The following NEO1 variants were observed in gnomAD, a reference collection of about 807,000 sequenced individuals.
The protein encoded by NEO1 is neogenin.
In NEO1, 63 loss-of-function variants were observed where a neutral mutation model predicts 159.7. The ratio of observed to expected loss-of-function variants is 0.39; its 90% CI spans 0.32 to 0.49. The LOEUF (loss-of-function observed/expected upper bound fraction) is 0.49, where lower values mean the gene tolerates loss of function less well. Among genes scored for constraint, NEO1 ranks in the 20% least tolerant of loss-of-function variants. The pLI is 0.85. For missense variants in NEO1, 1,615 were observed against 1,831.0 expected (o/e 0.88, Z 2.15); for synonymous variants, 633 against 662.0 (o/e 0.96, Z 0.67).
chr15:73,111,035 A>G (rs567186888), intron 1 of NEO1, among the ~76,000 whole-genome samples: 1 of 152,304 alleles, frequency 6.6e-6, no homozygotes, highest in Admixed American at 6.5e-5. Flanking sequence ...ATATATATAC[A>G]TATATAAAAG....
At chr15:73,253,268 G>A in intron 11 of NEO1, 132 bp from the exon 12 acceptor site, 1 of 468,694 alleles carries the variant, frequency 2.1e-6, no homozygotes, top group South Asian at 5.4e-5. Flanking sequence ...GGCATTGGCA[G>A]CTAGTTTAGA....
Position 73,301,309 on chromosome 15 carries a change from C to G in NEO1, c.4166-12C>G, listed in dbSNP as rs372564244. On this transcript the variant is annotated splice_polypyrimidine_tract_variant and intron_variant, in intron 27 of 28. Coordinates refer to ENST00000261908, the MANE Select transcript of NEO1 (RefSeq NM_002499.4). ...GCTTGGCCACATATCTGATGGTGCC[C>G]TTTCCCCTCAGCTCTGAACCATCAC... 4.3e-6 allele frequency: 7 copies of G among 1,613,992 alleles called. No individual in the cohort carries two copies. Among genetic ancestry groups the G allele is most frequent in the Middle Eastern group, 1.6e-4 (1 of 6,084 alleles).
At chr15:73,128,715 G>T (rs1161826190) in intron 4 of NEO1, among the ~76,000 whole-genome samples, 1 of 152,160 alleles carries the variant, frequency 6.6e-6, no homozygotes, top group Admixed American at 6.5e-5. Context: ...AGGTAAGATT[G>T]CTATTTTATA....
chr15:73,260,495 G>A, intron 15 of NEO1, 30 bp downstream of exon 15: 1 of 1,478,090 alleles, frequency 6.8e-7, no homozygotes, highest in Non-Finnish European at 9.1e-7. Context: ...AAAGTTAATT[G>A]TGTGGGAGAT....
At chr15:73,267,441 A>AG (rs1239005098) in intron 16 of NEO1, among the ~76,000 whole-genome samples, 3 of 151,724 alleles carry the variant, frequency 2.0e-5, no homozygotes, top group Admixed American at 6.6e-5. Flanking sequence ...CACAACATGC[A>AG]GGTTTGTTAC....
At chr15:73,214,591 G>A (rs1347427100) in intron 7 of NEO1, among the ~76,000 whole-genome samples, 1 of 152,112 alleles carries the variant, frequency 6.6e-6, no homozygotes, top group African/African-American at 2.4e-5. Flanking sequence ...TTAAGTATTT[G>A]GGTTTGTTTC....
Position 73,065,842 on chromosome 15 carries a change from C to A in NEO1, c.130+13037C>A, listed in dbSNP as rs1230851340. Among the ~76,000 whole-genome samples, 3 of 152,028 alleles carry A rather than the reference C, an allele frequency of 2.0e-5. No homozygotes were observed. The East Asian group carries it at 5.8e-4, about 29-fold the overall frequency. ...TAGTTCACTTAGGCTCCCTTACATC[C>A]TTATCTCTCTGATGGGTTCAGAAAA... On this transcript the variant is annotated intron_variant, in intron 1 of 28. Transcript: ENST00000261908.
chr15:73,270,675 G>A (rs1305166619), intron 18 of NEO1, among the ~76,000 whole-genome samples: 1 of 152,194 alleles, frequency 6.6e-6, no homozygotes, highest in African/African-American at 2.4e-5. Context: ...AAAGCACTGG[G>A]TAGATGTAAG....
At position 73,298,550 on chromosome 15, in the gene NEO1, G is replaced by A. The variant is rs200012151; in HGVS notation, c.4104G>A (p.Pro1368=). The A allele has an allele frequency of 3.6e-5, 58 of 1,614,028 alleles. No individual in the cohort carries two copies. Among genetic ancestry groups the A allele is most frequent in the Non-Finnish European group, 4.8e-5 (57 of 1,179,990 alleles). The stretch of plus-strand genomic sequence containing the variant: ...AGAGCTTCGCCGTGCCAGCAATCCC[G>A]CCTCCAGGACCTCCCACCTATGATC... The part of the protein sequence containing the change: ...PLKSFAVPAI[P]PPGPPTYDPA... The change falls in exon 27 of 29, where the codon CCG becomes CCA. Residue 1368 remains proline, a synonymous_variant. Coordinates refer to ENST00000261908, the MANE Select transcript of NEO1 (RefSeq NM_002499.4).
At position 73,240,250 on chromosome 15, in the gene NEO1, A is replaced by T. The variant is rs147567291; in HGVS notation, c.1451+3744A>T. 7.9e-5 allele frequency among the ~76,000 whole-genome samples: 12 copies of T among 152,320 alleles called. No individual in the cohort carries two copies. The East Asian group carries it at 1.5e-3, about 20-fold the overall frequency. ...CTTTTATATTTAAATGTTTTCAATG[A>T]GACACACTTATTTAAATTTTATGAT... On this transcript the variant is annotated intron_variant, in intron 8 of 28. Coordinates refer to ENST00000261908, the MANE Select transcript of NEO1 (RefSeq NM_002499.4).
At position 73,052,687 on chromosome 15, in the gene NEO1, G is replaced by A; in HGVS notation, c.12G>A (p.Glu4=). The A allele has an allele frequency of 1.5e-6, 2 of 1,357,032 alleles. No individual in the cohort carries two copies. The highest frequency in any genetic ancestry group is 6.7e-5 in the East Asian group (2 of 30,010). 84.1% of individuals were successfully genotyped at this position (1,357,032 alleles called of 1,614,324 possible). The change falls in exon 1 of 29, where the codon GAG becomes GAA. Residue 4 remains glutamate, a synonymous_variant. Coordinates refer to ENST00000261908, the MANE Select transcript of NEO1 (RefSeq NM_002499.4). ...CTCTCGGGGAAGAGATGGCGGCGGA[G>A]CGGGGAGCCCGGCGACTCCTCAGCA... MAA[E]RGARRLLSTP...
At chr15:73,297,872 G>A (rs2042440452) in intron 26 of NEO1, among the ~76,000 whole-genome samples, 1 of 152,244 alleles carries the variant, frequency 6.6e-6, no homozygotes, top group Admixed American at 6.5e-5. Flanking sequence ...AGGCACGAAG[G>A]CCTGTGGCAT....
At chr15:73,184,863 G>A (rs1812363) in intron 7 of NEO1, among the ~76,000 whole-genome samples, 14,846 of 152,158 alleles carry the variant, frequency 0.098, 990 homozygotes, top group African/African-American at 0.18. Context: ...GGGAGGCGAA[G>A]GTTGCAGTGA....
chr15:73,284,451 G>A (rs1016717491), intron 23 of NEO1, among the ~76,000 whole-genome samples: 2 of 151,928 alleles, frequency 1.3e-5, no homozygotes, highest in African/African-American at 4.8e-5. Context: ...TAAGTTATGT[G>A]ATATTTTAAA....
chr15:73,112,549 C>G (rs1268747271), intron 1 of NEO1, among the ~76,000 whole-genome samples: 1 of 151,994 alleles, frequency 6.6e-6, no homozygotes, highest in Non-Finnish European at 1.5e-5. Flanking sequence ...AAAATTTCTT[C>G]TAAGGTTTTT....
chr15:73,067,952 G>A (rs1057397014), intron 1 of NEO1, among the ~76,000 whole-genome samples: 3 of 152,010 alleles, frequency 2.0e-5, no homozygotes, highest in Non-Finnish European at 4.4e-5. Context: ...GTGGGTTCCT[G>A]TTCTAATATT....
At chr15:73,157,359 G>A (rs2033856990) in intron 5 of NEO1, among the ~76,000 whole-genome samples, 1 of 152,246 alleles carries the variant, frequency 6.6e-6, no homozygotes, top group Non-Finnish European at 1.5e-5. Flanking sequence ...AGCTTGTTAA[G>A]AGCTGGGATT....
At chr15:73,260,144 C>A in intron 14 of NEO1, 127 bp from the exon 15 acceptor site, 1 of 660,322 alleles carries the variant, frequency 1.5e-6, no homozygotes, top group Non-Finnish European at 2.4e-6. Flanking sequence ...TTTTTGAACT[C>A]TTGGGCATAA....
intron 5 of NEO1, among the ~76,000 whole-genome samples, chr15:73,152,625 T>C (rs1233734259): frequency 2.6e-5 from 4 of 152,204 alleles, no homozygotes; most frequent in Non-Finnish European, 5.9e-5. Context: ...GAACCTCCAC[T>C]TGAAACACAT....
Sources: allele counts gnomAD v4.1 joint callset (sites outside exome capture counted in the v4.1 genomes callset), GRCh38; gene constraint gnomAD v4.1.1; transcripts MANE v1.5; gene names NCBI Gene and HGNC (gene_info 2026-07-23, HGNC 2026-07-21).